AGBL2: variants seen among roughly 807,000 people sequenced by gnomAD.
AGBL2 encodes AGBL carboxypeptidase 2, also known as cytosolic carboxypeptidase 2.
AGBL2 carries 87 observed loss-of-function variants against 103.0 expected under a neutral mutation model. The observed-to-expected ratio is 0.84, with a 90% confidence interval of 0.71 to 1.01. The LOEUF (loss-of-function observed/expected upper bound fraction) is 1.01. AGBL2 is among the 50% of genes least tolerant of loss of function. AGBL2 has a pLI of 0.00. For missense variants in AGBL2, 904 were observed against 1,023.5 expected (o/e 0.88, Z 1.59); for synonymous variants, 335 against 356.7 (o/e 0.94, Z 0.69).
At chr11:47,673,524 C>A (rs1337974780) in intron 14 of AGBL2, among the ~76,000 whole-genome samples, 1 of 151,966 alleles carries the variant, frequency 6.6e-6, no homozygotes, top group Non-Finnish European at 1.5e-5. Flanking sequence ...ATTTGGGAGA[C>A]TGAGGCAGGA....
chr11:47,678,343 A>ATTATTATTTTTTTTTTTTTTTTT (rs2097385523), intron 13 of AGBL2, among the ~76,000 whole-genome samples: 12 of 116,870 alleles, frequency 1.0e-4, no homozygotes, highest in Non-Finnish European at 1.9e-4. Context: ...TTATTATTTT[A>ATTATTATTTTTTTTTTTTTTTTT]TTTTTTTTGA....
At chr11:47,668,786 G>C in intron 15 of AGBL2, 55 bp downstream of exon 15, 2 of 1,351,520 alleles carry the variant, frequency 1.5e-6, no homozygotes, top group Non-Finnish European at 1.1e-6. Flanking sequence ...TTGTCTGGTA[G>C]TGTCATGACT....
At chr11:47,684,283 A>C (rs2097414766) in intron 11 of AGBL2, among the ~76,000 whole-genome samples, 1 of 149,818 alleles carries the variant, frequency 6.7e-6, no homozygotes, top group Non-Finnish European at 1.5e-5. Flanking sequence ...AAAATAAATA[A>C]AAGGACGGGT....
intron 14 of AGBL2, among the ~76,000 whole-genome samples, chr11:47,669,976 A>G (rs2097352510): frequency 1.3e-5 from 2 of 152,250 alleles, no homozygotes; most frequent in Admixed American, 1.3e-4. Context: ...CATGCCAAGC[A>G]GTGTGCTAGG....
intron 8 of AGBL2, among the ~76,000 whole-genome samples, chr11:47,696,573 G>T (rs1012475559): frequency 6.6e-6 from 1 of 151,952 alleles, no homozygotes; most frequent in South Asian, 2.1e-4. Flanking sequence ...GTGGGCCTGG[G>T]TTTTCTTTGT....
Position 47,705,532 on chromosome 11 carries a change from G to T in AGBL2, c.389C>A (p.Ala130Asp). 2.6e-6 allele frequency: 1 copy of T among 377,976 alleles called. No homozygotes were observed. The allele number at this position is 377,976 out of a possible 1,614,324, so 23.4% of individuals were successfully genotyped here. A position where few individuals can be genotyped will look rare whatever the true frequency, so the allele number is the denominator to read the frequency against. The change falls in exon 6 of 19, where the codon GCT becomes GAT. Residue 130 changes from alanine to aspartate, a missense_variant. Ala to Asp is a moderately radical substitution (Grantham distance 126). Coordinates refer to ENST00000525123, the MANE Select transcript of AGBL2 (RefSeq NM_024783.4). ...KDSPASAFRV[A>D]GITDSHMLSL... ...GTGGTGGCACATGCCTGTAATCCCA[G>T]CTACTCGGAAAGCTGAGGCAGGAGA...
chr11:47,699,607 A>AT, intron 7 of AGBL2, 54 bp from the exon 8 acceptor site: 1 of 945,588 alleles, frequency 1.1e-6, no homozygotes, highest in Non-Finnish European at 1.6e-6. Flanking sequence ...AAACGGCACT[A>AT]TCAGAACTAA....
rs2097345384 is a variant in AGBL2 at position 47,667,797 on chromosome 11, C to T, written c.2215-101G>A. 19 of 1,279,922 alleles carry T rather than the reference C, an allele frequency of 1.5e-5. No individual in the cohort carries two copies. The South Asian group carries it at 2.1e-4, about 14-fold the overall frequency. The allele number at this position is 1,279,922 out of a possible 1,614,324, so 79.3% of individuals were successfully genotyped here. On this transcript the variant is annotated intron_variant, in intron 15 of 18. Coordinates refer to ENST00000525123, the MANE Select transcript of AGBL2 (RefSeq NM_024783.4). ...AACACTCAAGACACAAAGGCTAACT[C>T]GGTATGCAGATTTGTGGTGTTGGTT...
chr11:47,693,232 T>C (rs2097454905), intron 8 of AGBL2, among the ~76,000 whole-genome samples: 1 of 151,884 alleles, frequency 6.6e-6, no homozygotes, highest in Admixed American at 6.6e-5. Context: ...CACAATCATA[T>C]CTCATGGCAG....
chr11:47,668,810 G>T (rs753134429), intron 15 of AGBL2, 31 bp downstream of exon 15: 30 of 1,570,438 alleles, frequency 1.9e-5, no homozygotes, highest in Non-Finnish European at 2.6e-5. Context: ...TTTTAAGGCT[G>T]CTATTTCCTG....
chr11:47,677,925 C>T (rs915201343), intron 13 of AGBL2, among the ~76,000 whole-genome samples: 6 of 152,036 alleles, frequency 3.9e-5, no homozygotes, highest in Admixed American at 3.9e-4. Flanking sequence ...CATCAGTGAG[C>T]ACTGCTCTAG....
chr11:47,663,073 G>C lies in AGBL2; in HGVS notation c.2488C>G (p.Pro830Ala). 3 of 1,598,108 alleles carry C rather than the reference G, an allele frequency of 1.9e-6. No homozygotes were observed. Among genetic ancestry groups the C allele is most frequent in the Non-Finnish European group, 2.5e-6 (3 of 1,176,758 alleles). ...NRRDKDTPLD[P>A]SMATLILPKN... Reference sequence around the variant, plus strand: ...GGCAGAATCAGGGTGGCCATTGATGGGTCCAGGGGGGTGTCTTTGTCTCTT... The same window carrying C: ...GGCAGAATCAGGGTGGCCATTGATGCGTCCAGGGGGGTGTCTTTGTCTCTT... Residue 830 changes from proline to alanine, a missense_variant, in exon 18 of 19, where the codon CCA (proline) becomes GCA (alanine). Coordinates refer to ENST00000525123, the MANE Select transcript of AGBL2 (RefSeq NM_024783.4).
chr11:47,690,271 A>T lies in AGBL2; in HGVS notation c.1436T>A (p.Ile479Asn). The T allele has an allele frequency of 6.2e-7, 1 of 1,613,928 alleles. No homozygotes were observed. Among genetic ancestry groups the T allele is most frequent in the Admixed American group, 1.7e-5 (1 of 59,930 alleles). The change falls in exon 10 of 19, where the codon ATC becomes AAC. Residue 479 changes from isoleucine to asparagine, a missense_variant. Coordinates refer to ENST00000525123, the MANE Select transcript of AGBL2 (RefSeq NM_024783.4). ...SWVMKGFLDF[I>N]LSNSPDAQLL... ...CTGGGCATCTGGGGAGTTGCTAAGG[A>T]TGAAGTCCAAAAAGCCTTTCATAAC...
rs2097421334 is a variant in AGBL2, at chr11:47,685,821, A to T, written c.1788+72T>A. 2.8e-6 allele frequency: 4 copies of T among 1,430,284 alleles called. No individual in the cohort carries two copies. The South Asian group carries it at 3.8e-5, about 14-fold the overall frequency. The allele number at this position is 1,430,284 out of a possible 1,614,324, so 88.6% of individuals were successfully genotyped here. Reference sequence around the variant, plus strand: ...AAAGAGATACAAAATGCCAAATAAAACACTACATATAGGAAGCAGTGAGTT... The same window carrying T: ...AAAGAGATACAAAATGCCAAATAAATCACTACATATAGGAAGCAGTGAGTT... On this transcript the variant is annotated intron_variant, in intron 11 of 18. Transcript: ENST00000525123.
chr11:47,684,810 T>G (rs2097417447), intron 11 of AGBL2, among the ~76,000 whole-genome samples: 2 of 152,176 alleles, frequency 1.3e-5, no homozygotes, highest in African/African-American at 4.8e-5. Flanking sequence ...GTATATAACC[T>G]TTCCTATGAA....
At position 47,676,813 on chromosome 11, in the gene AGBL2, CAAAAAAA is replaced by C. The variant is rs566335901; in HGVS notation, c.2147+451_2147+457del. ...TGGGCGACAGAGCGAGCCTCCATCTCAAAAAAAAAAAAAAAAAAAAAGAAACTAAAAC... is the reference window on the plus strand; with the variant it reads ...TGGGCGACAGAGCGAGCCTCCATCTCAAAAAAAAAAAAAAGAAACTAAAAC... On this transcript the variant is annotated intron_variant, in intron 14 of 18. Coordinates refer to ENST00000525123, the MANE Select transcript of AGBL2 (RefSeq NM_024783.4). Among the ~76,000 whole-genome samples, 147 of 69,808 alleles carry C rather than the reference CAAAAAAA, an allele frequency of 2.1e-3. 1 individual carries two copies. Among genetic ancestry groups the C allele is most frequent in the Non-Finnish European group, 3.4e-3 (111 of 32,874 alleles). 45.8% of individuals were successfully genotyped at this position (69,808 alleles called of 152,430 possible). A position where few individuals can be genotyped will look rare whatever the true frequency, so the allele number is the denominator to read the frequency against.
rs769350855 is a variant in AGBL2, at chr11:47,705,921, G to T, written c.233-4C>A. 1.9e-6 allele frequency: 3 copies of T among 1,613,964 alleles called. No homozygotes were observed. The highest frequency in any genetic ancestry group is 1.7e-6 in the Non-Finnish European group (2 of 1,179,870). ...GCTGAAGATAAACTGATAGGCCCTA[G>T]AAAGAGGAAGAGGAGGCACCCTTGG... is the stretch of plus-strand genomic sequence containing the variant. On this transcript the variant is annotated splice_polypyrimidine_tract_variant and splice_region_variant and intron_variant, in intron 4 of 18. Coordinates refer to ENST00000525123, the MANE Select transcript of AGBL2 (RefSeq NM_024783.4).
chr11:47,681,674 G>A (rs942859854), intron 12 of AGBL2, among the ~76,000 whole-genome samples: 5 of 152,168 alleles, frequency 3.3e-5, no homozygotes, highest in African/African-American at 9.7e-5. Context: ...TGGTCACGCT[G>A]GTCTTGATCT....
At chr11:47,680,328 CCTGTA>C (rs1310951754) in intron 12 of AGBL2, among the ~76,000 whole-genome samples, 29 of 151,934 alleles carry the variant, frequency 1.9e-4, no homozygotes, top group African/African-American at 6.5e-4. Flanking sequence ...GTGGTGGGCG[CCTGTA>C]GCCTGTAGTC....
Sources: gnomAD v4.1 joint callset for allele counts (sites outside exome capture counted in the v4.1 genomes callset) on GRCh38, gnomAD v4.1.1 for gene constraint, MANE v1.5 for transcripts, NCBI Gene and HGNC (gene_info 2026-07-23, HGNC 2026-07-21) for gene names.